The following NAV3 variants were observed in gnomAD, a reference collection of about 807,000 sequenced individuals.
NAV3 encodes pore membrane and/or filament interacting like protein 1.
NAV3 carries 87 observed loss-of-function variants against 244.7 expected under a neutral mutation model. The observed-to-expected ratio is 0.36, with a 90% CI of 0.30 to 0.42. NAV3 has a LOEUF of 0.42. Among genes scored for constraint, NAV3 ranks in the 20% least tolerant of loss-of-function variants. NAV3 has a pLI of 1.00. For missense variants in NAV3, 2,663 were observed against 2,893.3 expected (o/e 0.92, Z 1.83); for synonymous variants, 1,126 against 1,042.2 (o/e 1.08, Z -1.55).
At chr12:78,208,442 G>A (rs1960558252) in intron 39 of NAV3, among the ~76,000 whole-genome samples, 1 of 152,122 alleles carries the variant, frequency 6.6e-6, no homozygotes, top group African/African-American at 2.4e-5. Context: ...AGTGAGTGTG[G>A]GGAAGAAGTG....
intron 22 of NAV3, among the ~76,000 whole-genome samples, chr12:78,152,975 G>A (rs1026560380): frequency 1.3e-5 from 2 of 151,934 alleles, no homozygotes; most frequent in Non-Finnish European, 2.9e-5. Context: ...GAAATAATCT[G>A]TTGGTTTTAA....
chr12:77,659,915 C>T (rs1348305818), intron 2 of NAV3, among the ~76,000 whole-genome samples: 2 of 140,240 alleles, frequency 1.4e-5, no homozygotes, highest in Non-Finnish European at 3.0e-5. Context: ...ACAATGAGAA[C>T]ACATGGACAC....
chr12:78,020,108 C>T (rs978696723), intron 8 of NAV3, among the ~76,000 whole-genome samples: 11 of 152,074 alleles, frequency 7.2e-5, no homozygotes, highest in Admixed American at 1.3e-4. Context: ...GCTGAACTCC[C>T]GCTTCTGCTC....
intron 3 of NAV3, among the ~76,000 whole-genome samples, chr12:77,961,431 CAT>C (rs1427388579): frequency 1.0e-5 from 1 of 98,324 alleles, no homozygotes; most frequent in Non-Finnish European, 2.3e-5. Context: ...TATGTATATA[CAT>C]ATGTCTCATA....
chr12:77,984,898 C>T (rs577230415), intron 5 of NAV3, among the ~76,000 whole-genome samples: 1 of 152,108 alleles, frequency 6.6e-6, no homozygotes, highest in African/African-American at 2.4e-5. Context: ...CTCACTGCAA[C>T]TCCCACCTCC....
chr12:77,841,388 A>G (rs1034987253), intron 1 of NAV3, among the ~76,000 whole-genome samples: 25 of 152,232 alleles, frequency 1.6e-4, no homozygotes, highest in African/African-American at 4.1e-4. Flanking sequence ...AAAATTTTTC[A>G]TAATGAAATG....
intron 12 of NAV3, among the ~76,000 whole-genome samples, chr12:78,116,156 G>A (rs1955366757): frequency 6.6e-6 from 1 of 152,126 alleles, no homozygotes; most frequent in Non-Finnish European, 1.5e-5. Flanking sequence ...GTTGTATTGG[G>A]AAAGATCAAA....
chr12:77,893,598 A>G (rs1884217480), intron 1 of NAV3, among the ~76,000 whole-genome samples: 1 of 152,104 alleles, frequency 6.6e-6, no homozygotes, highest in Non-Finnish European at 1.5e-5. Flanking sequence ...TAAAAAAAAA[A>G]AAGAAAACTT....
intron 1 of NAV3, among the ~76,000 whole-genome samples, chr12:77,893,849 T>G (rs1884249364): frequency 6.6e-6 from 1 of 152,214 alleles, no homozygotes; most frequent in Non-Finnish European, 1.5e-5. Context: ...GTTTAATTGT[T>G]GATGTTAAAA....
At chr12:78,206,945 G>A (rs1169760634) in intron 39 of NAV3, among the ~76,000 whole-genome samples, 8 of 135,194 alleles carry the variant, frequency 5.9e-5, no homozygotes, top group Admixed American at 2.6e-4. Context: ...CACAACCTCC[G>A]CCCCCCGAGT....
intron 12 of NAV3, among the ~76,000 whole-genome samples, chr12:78,096,642 A>C (rs1283375023): frequency 6.6e-6 from 1 of 152,136 alleles, no homozygotes; most frequent in South Asian, 2.1e-4. Flanking sequence ...AGATCTTGTG[A>C]GACTTGTTCA....
At chr12:77,988,558 A>G (rs887384357) in intron 5 of NAV3, among the ~76,000 whole-genome samples, 2 of 152,196 alleles carry the variant, frequency 1.3e-5, no homozygotes, top group Admixed American at 6.5e-5. Context: ...CCAGTTTACT[A>G]GAAAGATGAT....
chr12:77,733,460 T>C (rs1484363429), intron 2 of NAV3, among the ~76,000 whole-genome samples: 1 of 151,890 alleles, frequency 6.6e-6, no homozygotes, highest in Non-Finnish European at 1.5e-5. Flanking sequence ...AGAGAGAATA[T>C]GTGTGACCTT....
rs573674002 is a variant in NAV3, at chr12:78,126,661, A to G, written c.4239-506A>G. ...TCAATTAAGTTTTAAGCAAACATTC[A>G]TATATCTTTCTTCACATGTATAAAT... On this transcript the variant is annotated intron_variant, in intron 16 of 39. Coordinates refer to ENST00000397909, the MANE Select transcript of NAV3 (RefSeq NM_001024383.2). Among the ~76,000 whole-genome samples, 3 of 152,334 alleles carry G rather than the reference A, an allele frequency of 2.0e-5. No individual in the cohort carries two copies. The South Asian group carries it at 6.2e-4, about 32-fold the overall frequency.
chr12:77,869,801 C>A (rs573824362), intron 1 of NAV3, among the ~76,000 whole-genome samples: 4 of 152,094 alleles, frequency 2.6e-5, no homozygotes, highest in South Asian at 4.1e-4. Context: ...CTCCTTTAGA[C>A]AATATGCTTT....
chr12:77,708,181 T>C (rs1344308726), intron 2 of NAV3, among the ~76,000 whole-genome samples: 1 of 152,252 alleles, frequency 6.6e-6, no homozygotes, highest in Non-Finnish European at 1.5e-5. Flanking sequence ...CTAGGGTTTT[T>C]ATGGTTTAGG....
intron 12 of NAV3, among the ~76,000 whole-genome samples, chr12:78,112,748 C>T (rs1955165485): frequency 6.6e-6 from 1 of 152,126 alleles, no homozygotes; most frequent in African/African-American, 2.4e-5. Flanking sequence ...TCTGACCCCT[C>T]CCAAATCTCG....
At chr12:78,206,105 C>A (rs1311640379) in intron 39 of NAV3, among the ~76,000 whole-genome samples, 1 of 152,060 alleles carries the variant, frequency 6.6e-6, no homozygotes, top group Admixed American at 6.6e-5. Context: ...CTTTACCCAG[C>A]AAAATGCATA....
chr12:78,165,422 T>A (rs1429271871), intron 23 of NAV3, among the ~76,000 whole-genome samples: 2 of 151,990 alleles, frequency 1.3e-5, no homozygotes, highest in African/African-American at 4.8e-5. Flanking sequence ...TTTTTCAGTT[T>A]TTTTTCTAAA....
Sources: gnomAD v4.1 joint callset for allele counts (sites outside exome capture counted in the v4.1 genomes callset) on GRCh38, gnomAD v4.1.1 for gene constraint, MANE v1.5 for transcripts, NCBI Gene and HGNC (gene_info 2026-07-23, HGNC 2026-07-21) for gene names.